Variants in DCBLD2 observed in about 807,000 individuals in gnomAD.
DCBLD2 encodes discoidin, CUB and LCCL domain-containing protein 2.
A neutral mutation model predicts 86.8 loss-of-function variants in DCBLD2; 54 were observed. The ratio of observed to expected loss-of-function variants is 0.62; its 90% CI spans 0.50 to 0.78. The LOEUF is 0.78. Among genes scored for constraint, DCBLD2 ranks in the 30% least tolerant of loss-of-function variants. The pLI, the probability that DCBLD2 is intolerant of heterozygous loss-of-function variation, is 0.00. For missense variants in DCBLD2, 908 were observed against 954.2 expected, an observed-to-expected ratio of 0.95 and a Z score of 0.64; for synonymous variants, 354 against 341.3, an observed-to-expected ratio of 1.04 and a Z score of -0.41.
chr3:98,875,539 G>A (rs1017290621), intron 2 of DCBLD2, among the ~76,000 whole-genome samples: 36 of 152,130 alleles, frequency 2.4e-4, no homozygotes, highest in African/African-American at 8.2e-4. Flanking sequence ...TGTGGAGTTA[G>A]ATAAGCTGAT....
Position 98,820,411 on chromosome 3 carries a change from G to A in DCBLD2, c.831-123C>T, listed in dbSNP as rs1489531065. 7.8e-6 allele frequency: 5 copies of A among 639,858 alleles called. No individual in the cohort carries two copies. The African/African-American group carries it at 9.5e-5, about 12-fold the overall frequency. The allele number at this position is 639,858 out of a possible 1,614,324, so 39.6% of individuals were successfully genotyped here. Reference sequence around the variant, plus strand: ...ATAAAAGAACCAAGAAGACTGTGTGGCTAAAAATTAGACAACTAATATTGT... The same window carrying A: ...ATAAAAGAACCAAGAAGACTGTGTGACTAAAAATTAGACAACTAATATTGT... On this transcript the variant is annotated intron_variant, in intron 6 of 15. Coordinates refer to ENST00000326840, the MANE Select transcript of DCBLD2 (RefSeq NM_080927.4).
intron 6 of DCBLD2, chr3:98,821,089 A>C (rs1942112958): frequency 1.3e-5 from 2 of 152,112 alleles, no homozygotes; most frequent in Non-Finnish European, 2.9e-5. Context: ...AAGAATAAAG[A>C]GCTATAAATA....
chr3:98,837,042 G>T (rs1337248893), intron 3 of DCBLD2, among the ~76,000 whole-genome samples: 1 of 37,370 alleles, frequency 2.7e-5, no homozygotes, highest in Non-Finnish European at 5.3e-5. Flanking sequence ...CTGGCCGGGC[G>T]GGGGGGCTGA....
intron 2 of DCBLD2, among the ~76,000 whole-genome samples, chr3:98,860,955 T>C (rs1458641874): frequency 1.3e-5 from 2 of 152,206 alleles, no homozygotes; most frequent in Non-Finnish European, 2.9e-5. Context: ...TCGAGACTCA[T>C]CAGTGTGCTG....
Position 98,799,792 on chromosome 3 carries a change from T to C in DCBLD2, c.1908A>G (p.Arg636=), listed in dbSNP as rs570866712. The C allele has an allele frequency of 5.6e-6, 9 of 1,613,728 alleles. No individual in the cohort carries two copies. Among genetic ancestry groups the C allele is most frequent in the Non-Finnish European group, 6.8e-6 (8 of 1,179,834 alleles). Reference sequence around the variant, plus strand: ...TTCCTTCTTCTGGTTTAAAGGTAGATCTTTGATGAAGTGTACCAACAATTC... The same window carrying C: ...TTCCTTCTTCTGGTTTAAAGGTAGACCTTTGATGAAGTGTACCAACAATTC... ...VGGIVGTLHQ[R]STFKPEEGKE... The change falls in exon 16 of 16, where the codon AGA becomes AGG. Residue 636 remains arginine (R), a synonymous_variant. Coordinates refer to ENST00000326840, the MANE Select transcript of DCBLD2 (RefSeq NM_080927.4).
chr3:98,819,635 TGTTA>T (rs1266078542), intron 7 of DCBLD2, among the ~76,000 whole-genome samples: 1 of 152,190 alleles, frequency 6.6e-6, no homozygotes, highest in Non-Finnish European at 1.5e-5. Context: ...TAAGCATGAC[TGTTA>T]GTTTAATGGA....
intron 13 of DCBLD2, among the ~76,000 whole-genome samples, chr3:98,804,248 T>C (rs2107423371): frequency 6.6e-6 from 1 of 152,348 alleles, no homozygotes; most frequent in African/African-American, 2.4e-5. Flanking sequence ...TATTCAGGGA[T>C]TCAACTTCTT....
chr3:98,858,044 T>C (rs1463246706), intron 2 of DCBLD2, among the ~76,000 whole-genome samples: 1 of 152,216 alleles, frequency 6.6e-6, no homozygotes, highest in African/African-American at 2.4e-5. Flanking sequence ...TCGGGGAGGC[T>C]TGGGCCACGC....
At chr3:98,812,239 A>C in intron 10 of DCBLD2, 93 bp downstream of exon 10, 1 of 1,473,164 alleles carries the variant, frequency 6.8e-7, no homozygotes, top group Non-Finnish European at 9.2e-7. Context: ...CCAGAAAGAC[A>C]CTCACATTAT....
In DCBLD2 at chr3:98,797,036, TAAA is replaced by T. The variant is rs56369137; in HGVS notation, c.*2333_*2335del. The T allele has an allele frequency of 3.7e-3, 488 of 133,424 alleles. 4 individuals are homozygous for T. The highest frequency in any genetic ancestry group is 7.9e-3 in the African/African-American group (281 of 35,624). 8.3% of individuals were successfully genotyped at this position (133,424 alleles called of 1,614,324 possible). On this transcript the variant is annotated 3_prime_UTR_variant, in exon 16 of 16. Coordinates refer to ENST00000326840, the MANE Select transcript of DCBLD2 (RefSeq NM_080927.4). ...ATATGTATCAGACATATAAATGTAG[TAAA>T]AAAAAAAAAAAAAAAAATAGAAAAC... is the stretch of plus-strand genomic sequence containing the variant.
chr3:98,844,061 CA>C (rs1942673715), intron 3 of DCBLD2, among the ~76,000 whole-genome samples: 1 of 151,176 alleles, frequency 6.6e-6, no homozygotes, highest in Non-Finnish European at 1.5e-5. Context: ...CACACACACA[CA>C]CCCCAATTAT....
intron 4 of DCBLD2, among the ~76,000 whole-genome samples, chr3:98,823,125 G>A (rs191383997): frequency 4.9e-4 from 75 of 152,196 alleles, no homozygotes; most frequent in African/African-American, 1.5e-3. Context: ...CGCCCACCTC[G>A]GCCTCCCAAA....
At chr3:98,876,411 G>GAAAAAAAAA (rs1488329797) in intron 2 of DCBLD2, among the ~76,000 whole-genome samples, 2 of 2,336 alleles carry the variant, frequency 8.6e-4, no homozygotes, top group Non-Finnish European at 1.6e-3. Flanking sequence ...GAGATAAAAA[G>GAAAAAAAAA]TAAAAAAAAA....
At chr3:98,886,718 T>C (rs555635935) in intron 1 of DCBLD2, among the ~76,000 whole-genome samples, 5 of 151,794 alleles carry the variant, frequency 3.3e-5, no homozygotes, top group East Asian at 1.9e-4. Flanking sequence ...GAATTACTCA[T>C]AGAACATGTG....
chr3:98,891,358 T>C (rs1943658942), intron 1 of DCBLD2, among the ~76,000 whole-genome samples: 1 of 152,114 alleles, frequency 6.6e-6, no homozygotes, highest in Admixed American at 6.6e-5. Context: ...TTAAACTGAC[T>C]TGGCTCTCTC....
intron 1 of DCBLD2, among the ~76,000 whole-genome samples, chr3:98,891,809 C>A (rs1943666468): frequency 6.6e-6 from 1 of 152,146 alleles, no homozygotes; most frequent in Non-Finnish European, 1.5e-5. Flanking sequence ...CTCCTTTTAT[C>A]CACCTAGCAA....
intron 1 of DCBLD2, among the ~76,000 whole-genome samples, chr3:98,892,975 C>T (rs996199): frequency 0.97 from 147,373 of 152,174 alleles, 71,519 homozygotes; most frequent in Non-Finnish European, 1. Context: ...ACAGAACTCA[C>T]ATTAAGATTT....
intron 3 of DCBLD2, among the ~76,000 whole-genome samples, chr3:98,830,539 G>A (rs996288637): frequency 1.3e-5 from 2 of 152,150 alleles, no homozygotes; most frequent in Non-Finnish European, 1.5e-5. Context: ...CGAAGATCAG[G>A]TGGTTGCAGA....
intron 9 of DCBLD2, 128 bp downstream of exon 9, chr3:98,817,641 A>T: frequency 2.3e-6 from 2 of 862,536 alleles, no homozygotes; most frequent in South Asian, 2.1e-5. Context: ...ACACTACCTA[A>T]AATAACCACA....
Sources: allele counts gnomAD v4.1 joint callset (sites outside exome capture counted in the v4.1 genomes callset), GRCh38; gene constraint gnomAD v4.1.1; transcripts MANE v1.5; gene names NCBI Gene and HGNC (gene_info 2026-07-23, HGNC 2026-07-21).